Variants in OTOF observed in about 807,000 individuals in gnomAD.
OTOF encodes the protein otoferlin, also known as fer-1-like family member 2.
Under a neutral mutation model 236.8 loss-of-function variants are expected in OTOF, and 218 were observed. The observed-to-expected ratio is 0.92, with a 90% confidence interval of 0.82 to 1.03. OTOF has a LOEUF of 1.03. Among genes scored for constraint, OTOF ranks in the 50% least tolerant of loss-of-function variants. The pLI is 0.00. For synonymous variants in OTOF, 1,041 were observed against 1,072.5 expected, an observed-to-expected ratio of 0.97 and a Z score of 0.57; for missense variants, 2,590 against 2,694.4, an observed-to-expected ratio of 0.96 and a Z score of 0.86.
intron 1 of OTOF, among the ~76,000 whole-genome samples, chr2:26,540,143 G>T (rs1376524329): frequency 1.3e-5 from 2 of 152,180 alleles, no homozygotes; most frequent in Non-Finnish European, 2.9e-5. Flanking sequence ...ATGTTGGTCA[G>T]GCTGGTCTCG....
At position 26,519,086 on chromosome 2, in the gene OTOF, AC is replaced by A; in HGVS notation, c.250del (p.Val84CysfsTer6). On this transcript the variant is annotated frameshift_variant, in exon 4 of 47. Transcript: ENST00000272371. LOFTEE classifies it high-confidence loss of function. ...SNKLIGTFRM[V>X]LQKVVEESHV... ...GCTCTCCTCTACCACCTTCTGCAGC[AC>A]CATGCGGAAGGTCCCGATGAGCCTG... 3 of 1,604,764 alleles carry A rather than the reference AC, an allele frequency of 1.9e-6. No individual in the cohort carries two copies. Among genetic ancestry groups the A allele is most frequent in the Non-Finnish European group, 2.6e-6 (3 of 1,174,030 alleles).
At position 26,457,925 on chromosome 2, in the gene OTOF, G is replaced by A. The variant is rs1242682867; in HGVS notation, c.*313C>T. 11 of 1,089,168 alleles carry A rather than the reference G, an allele frequency of 1.0e-5. No individual in the cohort carries two copies. Among genetic ancestry groups the A allele is most frequent in the Non-Finnish European group, 2.7e-6 (2 of 746,806 alleles). 67.5% of individuals were successfully genotyped at this position (1,089,168 alleles called of 1,614,324 possible). A position where few individuals can be genotyped will look rare whatever the true frequency, so the allele number is the denominator to read the frequency against. On this transcript the variant is annotated 3_prime_UTR_variant, in exon 47 of 47. Coordinates refer to ENST00000272371, the MANE Select transcript of OTOF (RefSeq NM_194248.3). The surrounding 1 kb of genome is among the most constrained non-coding windows in gnomAD (Gnocchi z 4.4). ...AAGCAGGAGGCAGGCTCGGCCCAAG[G>A]CATGAAGAGTGGACGCTGGGCTCCT...
intron 8 of OTOF, among the ~76,000 whole-genome samples, chr2:26,497,260 A>T (rs575909800): frequency 6.6e-6 from 1 of 151,842 alleles, no homozygotes; most frequent in Admixed American, 6.6e-5. Flanking sequence ...CTGCCACCGC[A>T]CGGCTAATTT....
At chr2:26,458,701 C>T (rs1458645165) in intron 46 of OTOF, among the ~76,000 whole-genome samples, 1 of 152,240 alleles carries the variant, frequency 6.6e-6, no homozygotes, top group African/African-American at 2.4e-5. Context: ...CCCACTCCAC[C>T]TTCTGTAGAG....
In OTOF at chr2:26,558,706, A is replaced by T. The variant is rs185848135; in HGVS notation, c.-135T>A. The T allele has an allele frequency of 1.3e-3, 933 of 743,332 alleles. 6 individuals carry two copies. The Admixed American group carries it at 0.018, about 14-fold the overall frequency. The allele number at this position is 743,332 out of a possible 1,614,324, so 46.0% of individuals were successfully genotyped here. On this transcript the variant is annotated 5_prime_UTR_variant, in exon 1 of 47. Coordinates refer to ENST00000272371, the MANE Select transcript of OTOF (RefSeq NM_194248.3). ...TCCCGACCCCCCTCCGATGCTGCCC[A>T]CAGAGACCAAGGCAACCAAGCCGAG...
At chr2:26,480,033 G>C (rs746633865) in intron 16 of OTOF, among the ~76,000 whole-genome samples, 170 bp downstream of exon 16, 12 of 152,238 alleles carry the variant, frequency 7.9e-5, no homozygotes, top group Non-Finnish European at 1.5e-4. Context: ...ACACAAAGGT[G>C]TTTTGTGGGT....
At position 26,484,568 on chromosome 2, in the gene OTOF, C is replaced by G. The variant is rs879255246; in HGVS notation, c.1111G>C (p.Gly371Arg). Residue 371 changes from glycine (G) to arginine (R), a missense_variant, in exon 12 of 47, where the codon GGC (glycine) becomes CGC (arginine). Physicochemically the swap from Gly to Arg is moderately radical, Grantham distance 125. This residue lies in a region of OTOF where 1,379 missense variants were observed against 1,341.6 expected (regional missense o/e 1.03). Transcript: ENST00000272371. ...DPDDISSGLK[G>R]YVKCDVAVVG... is the part of the protein sequence containing the mutation. Reference sequence around the variant, plus strand: ...ACGGCAACGTCACACTTCACGTAGCCCTTCAGCCCCGAGGAGATGTCATCG... The same window carrying G: ...ACGGCAACGTCACACTTCACGTAGCGCTTCAGCCCCGAGGAGATGTCATCG... The G allele has an allele frequency of 1.2e-6, 2 of 1,613,950 alleles. No individual in the cohort carries two copies. Among genetic ancestry groups the G allele is most frequent in the South Asian group, 2.2e-5 (2 of 91,076 alleles).
At chr2:26,489,409 G>T in intron 10 of OTOF, 114 bp from the exon 11 acceptor site, 3 of 829,326 alleles carry the variant, frequency 3.6e-6, no homozygotes, top group Non-Finnish European at 6.0e-6. Context: ...GCAGAGTGGG[G>T]TGGCTCACTG....
At chr2:26,547,779 T>C (rs1397842676) in intron 1 of OTOF, among the ~76,000 whole-genome samples, 2 of 152,120 alleles carry the variant, frequency 1.3e-5, no homozygotes, top group African/African-American at 4.8e-5. Context: ...AGACAGAGGT[T>C]GCAGTGAGCT....
intron 1 of OTOF, among the ~76,000 whole-genome samples, chr2:26,550,104 G>GA (rs562983650): frequency 0.018 from 2,518 of 138,166 alleles, 77 homozygotes; most frequent in African/African-American, 0.06. Context: ...AACTTCGGCT[G>GA]AAAAAAAAAA....
In OTOF at chr2:26,463,677, T is replaced by G. The variant is rs1415854679; in HGVS notation, c.5104-106A>C. ...TTTGTTCTGTCAAGGACCCAGTTCA[T>G]CAGTTTCCATCTTTGGATGCCAGGA... On this transcript the variant is annotated intron_variant, in intron 40 of 46. Transcript: ENST00000272371. 1.7e-5 allele frequency: 17 copies of G among 983,992 alleles called. No homozygotes were observed. In the East Asian group the frequency reaches 4.2e-4, roughly 24 times the overall value. The allele number at this position is 983,992 out of a possible 1,614,324, so 61.0% of individuals were successfully genotyped here. A position where few individuals can be genotyped will look rare whatever the true frequency, so the allele number is the denominator to read the frequency against.
chr2:26,483,497 C>T lies in OTOF; in HGVS notation c.1357G>A (p.Asp453Asn), dbSNP rs750346536. Residue 453 changes from aspartate to asparagine, a missense_variant, in exon 13 of 47, where the codon GAC (aspartate) becomes AAC (asparagine). This residue lies in a region of OTOF where 1,379 missense variants were observed against 1,341.6 expected (regional missense o/e 1.03). Transcript: ENST00000272371. ...AFIGENKDLV[D>N]PYVQVFFAGQ... ...GCAAAGAAGACTTGCACGTAGGGGT[C>T]CACGAGGTCCTTGTTTTCACCGATG... The T allele has an allele frequency of 5.1e-5, 82 of 1,613,814 alleles. No individual in the cohort carries two copies. Among genetic ancestry groups the T allele is most frequent in the Non-Finnish European group, 6.9e-5 (82 of 1,180,020 alleles).
At chr2:26,537,500 C>T (rs916076333) in intron 2 of OTOF, among the ~76,000 whole-genome samples, 3 of 152,236 alleles carry the variant, frequency 2.0e-5, no homozygotes, top group Non-Finnish European at 2.9e-5. Context: ...TGCACACGGG[C>T]CTCACCTGTG....
At chr2:26,516,862 A>G (rs888637118) in intron 4 of OTOF, among the ~76,000 whole-genome samples, 3 of 152,058 alleles carry the variant, frequency 2.0e-5, no homozygotes, top group African/African-American at 7.2e-5. Flanking sequence ...CTGGTGCTCA[A>G]GGTGGAGGGG....
chr2:26,527,834 G>A lies in OTOF; in HGVS notation c.225C>T (p.Asn75=), dbSNP rs1666846392. 1.9e-6 allele frequency: 3 copies of A among 1,610,798 alleles called. No homozygotes were observed. The highest frequency in any genetic ancestry group is 2.5e-6 in the Non-Finnish European group (3 of 1,176,956). Residue 75 remains asparagine, a splice_region_variant and synonymous_variant, in exon 3 of 47, where the codon AAC becomes AAT. Transcript: ENST00000272371. ...CTCCTGCCCCATCCCACACTTACTTGTTGCTGAAGACTTTGCTGTAGTTGA... is the reference window on the plus strand; with the variant it reads ...CTCCTGCCCCATCCCACACTTACTTATTGCTGAAGACTTTGCTGTAGTTGA... The part of the protein sequence containing the change: ...QVFNYSKVFS[N]KLIGTFRMVL...
Position 26,542,325 on chromosome 2 carries a change from A to T in OTOF, c.80-4551T>A, listed in dbSNP as rs146569844. Among the ~76,000 whole-genome samples the T allele has an allele frequency of 2.7e-3, 415 of 152,300 alleles. 2 individuals carry two copies. Among genetic ancestry groups the T allele is most frequent in the African/African-American group, 9.6e-3 (399 of 41,570 alleles). On this transcript the variant is annotated intron_variant, in intron 1 of 46. Transcript: ENST00000272371. ...CTTTCTAGCTCCTGGCTTGTGTGCC[A>T]TTTGGCCTTCACAGAGGGGAGTTGT...
chr2:26,538,191 T>C (rs552310875), intron 1 of OTOF, among the ~76,000 whole-genome samples: 1 of 152,330 alleles, frequency 6.6e-6, no homozygotes, highest in Non-Finnish European at 1.5e-5. Context: ...ATAGGGGGCG[T>C]AGCCCCTGCC....
At chr2:26,527,774 G>GA in intron 3 of OTOF, 58 bp downstream of exon 3, 2 of 1,257,748 alleles carry the variant, frequency 1.6e-6, no homozygotes, top group Non-Finnish European at 2.3e-6. Flanking sequence ...AGCCCAAGGA[G>GA]AAGAGCAGGC....
intron 5 of OTOF, among the ~76,000 whole-genome samples, chr2:26,506,390 C>T (rs1441011943): frequency 6.6e-6 from 1 of 152,240 alleles, no homozygotes; most frequent in Non-Finnish European, 1.5e-5. Context: ...CTGCTCCAGC[C>T]ACAGACTTCC....
Sources: allele counts gnomAD v4.1 joint callset (sites outside exome capture counted in the v4.1 genomes callset), GRCh38; gene constraint gnomAD v4.1.1; regional missense constraint gnomAD v4.1.1; non-coding constraint Gnocchi (gnomAD v3.1); transcripts MANE v1.5; gene names NCBI Gene and HGNC (gene_info 2026-07-23, HGNC 2026-07-21).